Variants in ADGRL3 observed in about 807,000 individuals in gnomAD.
ADGRL3 encodes adhesion G protein-coupled receptor L3, also known as calcium-independent alpha-latrotoxin receptor 3.
Under a neutral mutation model 153.5 loss-of-function variants are expected in ADGRL3, and 62 were observed. The observed-to-expected ratio is 0.40, with a 90% confidence interval of 0.33 to 0.50. The LOEUF (loss-of-function observed/expected upper bound fraction) is 0.50. ADGRL3 is among the 20% of genes least tolerant of loss of function. The probability of loss-of-function intolerance (pLI) is 0.47; values close to 1 mark genes in which losing one functional copy is unlikely to be tolerated. For synonymous variants in ADGRL3, 710 were observed against 672.5 expected, an observed-to-expected ratio of 1.06 and a Z score of -0.86; for missense variants, 1,641 against 1,859.4, an observed-to-expected ratio of 0.88 and a Z score of 2.16.
chr4:61,583,507 A>G (rs1183524387), intron 4 of ADGRL3, among the ~76,000 whole-genome samples: 1 of 152,126 alleles, frequency 6.6e-6, no homozygotes, highest in African/African-American at 2.4e-5. Flanking sequence ...AGTGAGCAAG[A>G]ATAGGGAGCT....
At chr4:62,011,386 T>G (rs1226928924) in intron 21 of ADGRL3, among the ~76,000 whole-genome samples, 2 of 152,114 alleles carry the variant, frequency 1.3e-5, no homozygotes, top group African/African-American at 2.4e-5. Context: ...TCAATGTTAA[T>G]AAACTGAGGA....
intron 21 of ADGRL3, among the ~76,000 whole-genome samples, chr4:61,998,714 C>T (rs1281743655): frequency 1.3e-5 from 2 of 151,714 alleles, no homozygotes; most frequent in Non-Finnish European, 2.9e-5. Flanking sequence ...TAGCTGAGAC[C>T]ACAGGTGCCC....
chr4:61,329,874 G>A (rs1354336505), intron 1 of ADGRL3, among the ~76,000 whole-genome samples: 1 of 152,166 alleles, frequency 6.6e-6, no homozygotes, highest in Non-Finnish European at 1.5e-5. Context: ...GCAAATAGGG[G>A]TGTCAGTAGG....
intron 23 of ADGRL3, 94 bp from the exon 24 acceptor site, chr4:62,037,637 C>A: frequency 7.7e-7 from 1 of 1,294,504 alleles, no homozygotes; most frequent in Non-Finnish European, 1.1e-6. Context: ...GAAATAATTA[C>A]ATTATCTAAA....
At chr4:61,888,248 AT>A (rs2098550569) in intron 9 of ADGRL3, among the ~76,000 whole-genome samples, 3 of 152,242 alleles carry the variant, frequency 2.0e-5, no homozygotes, top group Non-Finnish European at 4.4e-5. Flanking sequence ...CTCAAACTTA[AT>A]TTCTTTTAGA....
intron 1 of ADGRL3, among the ~76,000 whole-genome samples, chr4:61,316,165 G>T (rs1346797104): frequency 6.6e-6 from 1 of 152,174 alleles, no homozygotes; most frequent in Non-Finnish European, 1.5e-5. Flanking sequence ...GCTCAGGTAG[G>T]CTCTGTTAAA....
chr4:62,059,293 A>C (rs1381921281), intron 25 of ADGRL3, among the ~76,000 whole-genome samples: 1 of 152,114 alleles, frequency 6.6e-6, no homozygotes, highest in Non-Finnish European at 1.5e-5. Flanking sequence ...AAACCCACAG[A>C]GCTGGTCTGT....
chr4:61,453,263 T>C lies in ADGRL3; in HGVS notation c.-173-43858T>C, dbSNP rs148274803. Among the ~76,000 whole-genome samples, 403 of 152,212 alleles carry C rather than the reference T, an allele frequency of 2.6e-3. 1 individual carries two copies. The highest frequency in any genetic ancestry group is 9.4e-3 in the African/African-American group (391 of 41,556). ...GAGAAATATATAACAGATATAACAG[T>C]AATGTGTAAGTGATCTGGGAGAGGA... On this transcript the variant is annotated intron_variant, in intron 2 of 26. Transcript: ENST00000683033.
chr4:61,462,956 C>G (rs938444327), intron 2 of ADGRL3, among the ~76,000 whole-genome samples: 2 of 152,094 alleles, frequency 1.3e-5, no homozygotes, highest in Non-Finnish European at 2.9e-5. Context: ...TTGCTTTTTT[C>G]CACCTCCAAG....
intron 1 of ADGRL3, among the ~76,000 whole-genome samples, chr4:61,296,944 A>G (rs2094431768): frequency 6.6e-6 from 1 of 152,196 alleles, no homozygotes; most frequent in Non-Finnish European, 1.5e-5. Context: ...CATACATCAT[A>G]TTGATACTAT....
intron 4 of ADGRL3, among the ~76,000 whole-genome samples, chr4:61,571,359 T>C (rs181734404): frequency 6.7e-6 from 1 of 148,676 alleles, no homozygotes. Context: ...TAAAATAAAA[T>C]AAAATTAGCT....
At chr4:61,365,144 T>TGCAGTA (rs1254563266) in intron 1 of ADGRL3, among the ~76,000 whole-genome samples, 1 of 152,104 alleles carries the variant, frequency 6.6e-6, no homozygotes, top group Non-Finnish European at 1.5e-5. Context: ...AGATACATAC[T>TGCAGTA]GCCCAGACAT....
intron 25 of ADGRL3, among the ~76,000 whole-genome samples, chr4:62,066,846 A>G (rs1448270785): frequency 6.6e-6 from 1 of 152,094 alleles, no homozygotes; most frequent in Non-Finnish European, 1.5e-5. Context: ...CAGAATTGGA[A>G]GAAGTCTGGA....
intron 1 of ADGRL3, among the ~76,000 whole-genome samples, chr4:61,379,965 C>A (rs116549899): frequency 0.017 from 2,583 of 151,916 alleles, 40 homozygotes; most frequent in South Asian, 0.038. Context: ...GCTTTTTTGC[C>A]TTCAAATTCT....
At chr4:61,828,359 C>T (rs564764454) in intron 9 of ADGRL3, among the ~76,000 whole-genome samples, 5 of 152,052 alleles carry the variant, frequency 3.3e-5, no homozygotes, top group South Asian at 4.2e-4. Flanking sequence ...ATGTCTTAGG[C>T]TTGTAGTTCT....
intron 8 of ADGRL3, among the ~76,000 whole-genome samples, chr4:61,802,061 C>T (rs1449349098): frequency 6.6e-6 from 1 of 152,050 alleles, no homozygotes; most frequent in Admixed American, 6.6e-5. Flanking sequence ...TGATCATATG[C>T]TAGCCCTCTG....
At chr4:61,637,194 A>G (rs2093462024) in intron 5 of ADGRL3, among the ~76,000 whole-genome samples, 1 of 152,132 alleles carries the variant, frequency 6.6e-6, no homozygotes, top group South Asian at 2.1e-4. Flanking sequence ...AGTTAAGATA[A>G]GGTCATATCA....
Position 61,308,189 on chromosome 4 carries a change from G to C in ADGRL3, c.-239-74935G>C, listed in dbSNP as rs2094870449. On this transcript the variant is annotated intron_variant, in intron 1 of 26. Coordinates refer to ENST00000683033, the MANE Select transcript of ADGRL3 (RefSeq NM_001387552.1). ...GAGGGGTGACGATCATGCGTTAGCT[G>C]TTCCACCCAAAATGAGTATGACTTA... Among the ~76,000 whole-genome samples, 3 of 152,148 alleles carry C rather than the reference G, an allele frequency of 2.0e-5. No individual in the cohort carries two copies. In the South Asian group the frequency reaches 6.2e-4, roughly 31 times the overall value.
Position 62,012,031 on chromosome 4 carries a change from A to AC in ADGRL3, c.3395+13766_3395+13767insC, listed in dbSNP as rs1404935087. On this transcript the variant is annotated intron_variant, in intron 21 of 26. Transcript: ENST00000683033. ...AATGATTATATGTATTAATATATAT[A>AC]ATTTTATGTGAAAATTGACCAAAAT... Among the ~76,000 whole-genome samples the AC allele has an allele frequency of 2.0e-5, 3 of 152,216 alleles. No individual in the cohort carries two copies. In the East Asian group the frequency reaches 5.8e-4, roughly 29 times the overall value.
Sources: gnomAD v4.1 joint callset for allele counts (sites outside exome capture counted in the v4.1 genomes callset) on GRCh38, gnomAD v4.1.1 for gene constraint, MANE v1.5 for transcripts, NCBI Gene and HGNC (gene_info 2026-07-23, HGNC 2026-07-21) for gene names.